The following ATXN7L1 variants were observed in gnomAD, a reference collection of about 807,000 sequenced individuals.
The protein encoded by ATXN7L1 is ataxin 7 like 1.
In ATXN7L1, 15 loss-of-function variants were observed where a neutral mutation model predicts 70.8. That is an observed-to-expected ratio of 0.21 (90% CI 0.14 to 0.33). ATXN7L1 has a LOEUF of 0.33. Ranked by LOEUF, ATXN7L1 falls within the 10% of genes least tolerant of loss-of-function variation. The probability of loss-of-function intolerance (pLI) is 1.00; values close to 1 mark genes in which losing one functional copy is unlikely to be tolerated. For missense variants in ATXN7L1, 975 were observed against 1,097.1 expected (o/e 0.89, Z 1.57); for synonymous variants, 440 against 445.1 (o/e 0.99, Z 0.14).
At chr7:105,735,256 A>G (rs1381398106) in intron 3 of ATXN7L1, among the ~76,000 whole-genome samples, 1 of 152,002 alleles carries the variant, frequency 6.6e-6, no homozygotes, top group East Asian at 1.9e-4. Context: ...CAGGCATTGT[A>G]TAAACACTGC....
intron 8 of ATXN7L1, among the ~76,000 whole-genome samples, chr7:105,621,500 C>T (rs1447871384): frequency 6.6e-6 from 1 of 152,222 alleles, no homozygotes; most frequent in Non-Finnish European, 1.5e-5. Flanking sequence ...TTTGGGCTAA[C>T]AAATAGATGG....
chr7:105,865,459 T>A (rs971980431), intron 2 of ATXN7L1, among the ~76,000 whole-genome samples: 2 of 151,856 alleles, frequency 1.3e-5, no homozygotes, highest in African/African-American at 4.8e-5. Flanking sequence ...TGGGGTGCAG[T>A]GGCGCGATCT....
chr7:105,729,504 G>A (rs547772297), intron 3 of ATXN7L1, among the ~76,000 whole-genome samples: 18 of 146,180 alleles, frequency 1.2e-4, no homozygotes, highest in African/African-American at 3.8e-4. Flanking sequence ...ATCTCAGCTC[G>A]CCACAATCTC....
At position 105,740,769 on chromosome 7, in the gene ATXN7L1, A is replaced by T. The variant is rs1232902871; in HGVS notation, c.355+47835T>A. Reference sequence around the variant, plus strand: ...TGCTCAGTCAAAGGTGGCTCCATTCATTTTTTTTTTTTTTTAATGGAGTCT... The same window carrying T: ...TGCTCAGTCAAAGGTGGCTCCATTCTTTTTTTTTTTTTTTTAATGGAGTCT... On this transcript the variant is annotated intron_variant, in intron 3 of 11. Transcript: ENST00000419735. Among the ~76,000 whole-genome samples the T allele has an allele frequency of 2.3e-3, 194 of 85,582 alleles. 1 individual carries two copies. In the East Asian group the frequency reaches 0.024, roughly 11 times the overall value. The allele number at this position is 85,582 out of a possible 152,430, so 56.1% of individuals were successfully genotyped here. A position where few individuals can be genotyped will look rare whatever the true frequency, so the allele number is the denominator to read the frequency against.
Position 105,835,466 on chromosome 7 carries a change from T to TA in ATXN7L1, c.250+40345dup, listed in dbSNP as rs776975613. The stretch of plus-strand genomic sequence containing the variant: ...CAGTGTCCAGCCTTAATTGTATAAT[T>TA]AAAAAAAAAAAAAGTTTCCGGAGGT... On this transcript the variant is annotated intron_variant, in intron 2 of 11. Transcript: ENST00000419735. Among the ~76,000 whole-genome samples, 1,271 of 143,998 alleles carry TA rather than the reference T, an allele frequency of 8.8e-3. 10 individuals carry two copies. Among genetic ancestry groups the TA allele is most frequent in the Middle Eastern group, 0.019 (5 of 270 alleles). 94.5% of individuals were successfully genotyped at this position (143,998 alleles called of 152,430 possible).
chr7:105,874,499 T>G (rs1818736401), intron 2 of ATXN7L1, among the ~76,000 whole-genome samples: 1 of 152,226 alleles, frequency 6.6e-6, no homozygotes. Flanking sequence ...GAAGTCCACT[T>G]GACATCAATC....
intron 3 of ATXN7L1, 106 bp from the exon 4 acceptor site, chr7:105,665,394 C>A (rs1356123644): frequency 1.1e-6 from 1 of 886,564 alleles, no homozygotes; most frequent in Non-Finnish European, 1.8e-6. Context: ...AAGCGCTTTC[C>A]CTACAGCACT....
chr7:105,765,290 C>T (rs919383116), intron 3 of ATXN7L1, among the ~76,000 whole-genome samples: 24 of 149,780 alleles, frequency 1.6e-4, no homozygotes, highest in African/African-American at 5.5e-4. Flanking sequence ...CCAGAGGTGG[C>T]GCCACTGCAC....
intron 3 of ATXN7L1, among the ~76,000 whole-genome samples, chr7:105,754,556 G>A (rs1221262155): frequency 1.3e-5 from 2 of 152,052 alleles, no homozygotes; most frequent in Non-Finnish European, 2.9e-5. Context: ...AAATTCCTGG[G>A]CTCAAGGGAC....
intron 3 of ATXN7L1, among the ~76,000 whole-genome samples, chr7:105,666,661 A>T (rs773034940): frequency 2.0e-5 from 3 of 152,208 alleles, no homozygotes; most frequent in Admixed American, 2.0e-4. Flanking sequence ...AGGATCATCC[A>T]ATTGCTGGGT....
chr7:105,716,945 T>C (rs1032702251), intron 3 of ATXN7L1, among the ~76,000 whole-genome samples: 23 of 151,916 alleles, frequency 1.5e-4, no homozygotes, highest in African/African-American at 5.1e-4. Flanking sequence ...AAGTGTATGA[T>C]AAAGATTTTA....
rs1795344083 is a variant in ATXN7L1 at position 105,624,251 on chromosome 7, T to C, written c.1219A>G (p.Ser407Gly). 4 of 1,439,238 alleles carry C rather than the reference T, an allele frequency of 2.8e-6. No homozygotes were observed. The African/African-American group carries it at 5.8e-5, about 21-fold the overall frequency. 89.2% of individuals were successfully genotyped at this position (1,439,238 alleles called of 1,614,324 possible). A position where few individuals can be genotyped will look rare whatever the true frequency, so the allele number is the denominator to read the frequency against. Residue 407 changes from serine (S) to glycine (G), a missense_variant, in exon 8 of 12, where the codon AGC becomes GGC. Transcript: ENST00000419735. The stretch of plus-strand genomic sequence containing the variant: ...TTTGAAGATGTGCTGCTGCTTATGC[T>C]ATTTGCAGATGATGGTCTAAGGGCA... Reference protein sequence around the residue: ...SVLPRPSSANSISSSTSSNHS... With the variant: ...SVLPRPSSANGISSSTSSNHS...
chr7:105,730,458 C>G (rs1010788628), intron 3 of ATXN7L1, among the ~76,000 whole-genome samples: 1 of 151,874 alleles, frequency 6.6e-6, no homozygotes, highest in Non-Finnish European at 1.5e-5. Context: ...AAGGGCCAGG[C>G]GTGGTGGCTC....
intron 10 of ATXN7L1, among the ~76,000 whole-genome samples, chr7:105,610,993 C>G (rs1280602861): frequency 6.6e-6 from 1 of 152,248 alleles, no homozygotes; most frequent in Non-Finnish European, 1.5e-5. Flanking sequence ...CTCTGACCCT[C>G]CGTCCCAAAC....
At chr7:105,692,428 C>CCCTCCCTCCCTCCCTCCTT (rs1791108262) in intron 3 of ATXN7L1, among the ~76,000 whole-genome samples, 5 of 53,762 alleles carry the variant, frequency 9.3e-5, no homozygotes, top group African/African-American at 4.8e-4. Context: ...CTTCCTTCCT[C>CCCTCCCTCCCTCCCTCCTT]CCTCCCTCCC....
chr7:105,719,095 T>C (rs764713096), intron 3 of ATXN7L1, among the ~76,000 whole-genome samples: 1 of 152,194 alleles, frequency 6.6e-6, no homozygotes, highest in Admixed American at 6.5e-5. Flanking sequence ...TAAAATGGAA[T>C]GATTCTTCTG....
chr7:105,639,904 T>G (rs113578762), intron 5 of ATXN7L1, among the ~76,000 whole-genome samples: 84 of 152,332 alleles, frequency 5.5e-4, no homozygotes, highest in African/African-American at 1.9e-3. Flanking sequence ...CTTAACGCTT[T>G]ATTTTACTTG....
At chr7:105,764,998 T>A (rs944007711) in intron 3 of ATXN7L1, among the ~76,000 whole-genome samples, 2 of 152,104 alleles carry the variant, frequency 1.3e-5, no homozygotes, top group African/African-American at 4.8e-5. Flanking sequence ...AACTATTCAG[T>A]GTTACCATCT....
At chr7:105,788,911 T>C (rs901837600) in intron 2 of ATXN7L1, among the ~76,000 whole-genome samples, 1 of 152,212 alleles carries the variant, frequency 6.6e-6, no homozygotes, top group African/African-American at 2.4e-5. Flanking sequence ...AATCCCTCCT[T>C]ATTTCTCCCC....
Sources: allele counts gnomAD v4.1 joint callset (sites outside exome capture counted in the v4.1 genomes callset), GRCh38; gene constraint gnomAD v4.1.1; transcripts MANE v1.5; gene names NCBI Gene and HGNC (gene_info 2026-07-23, HGNC 2026-07-21).